The following SIPA1L2 variants were observed in gnomAD, a reference collection of about 807,000 sequenced individuals.
The protein encoded by SIPA1L2 is signal induced proliferation associated 1 like 2, also known as signal-induced proliferation-associated 1-like protein 2.
Under a neutral mutation model 163.9 loss-of-function variants are expected in SIPA1L2, and 56 were observed. The ratio of observed to expected loss-of-function variants is 0.34; its 90% CI spans 0.28 to 0.43. The LOEUF (loss-of-function observed/expected upper bound fraction) is 0.43. Among genes scored for constraint, SIPA1L2 ranks in the 20% least tolerant of loss-of-function variants. The pLI, the probability that SIPA1L2 is intolerant of heterozygous loss-of-function variation, is 1.00. For synonymous variants in SIPA1L2, 877 were observed against 865.7 expected (o/e 1.01, Z -0.23); for missense variants, 1,974 against 2,193.5 (o/e 0.90, Z 2.00).
intron 3 of SIPA1L2, among the ~76,000 whole-genome samples, chr1:232,512,901 C>T (rs1381145670): frequency 1.3e-5 from 2 of 152,178 alleles, no homozygotes; most frequent in Admixed American, 1.3e-4. Flanking sequence ...AGGAGAGTAG[C>T]GGGGCCCACC....
At position 232,492,888 on chromosome 1, in the gene SIPA1L2, G is replaced by A. The variant is rs143344254; in HGVS notation, c.1617+639C>T. Reference sequence around the variant, plus strand: ...TAATGCTGGAGTGAGTTAAGACTAGGGGACTGCTGAGAAGGAATAATTGTT... The same window carrying A: ...TAATGCTGGAGTGAGTTAAGACTAGAGGACTGCTGAGAAGGAATAATTGTT... On this transcript the variant is annotated intron_variant, in intron 4 of 22. Transcript: ENST00000674635. Among the ~76,000 whole-genome samples, 1,353 of 152,232 alleles carry A rather than the reference G, an allele frequency of 8.9e-3. 18 individuals are homozygous for A. The highest frequency in any genetic ancestry group is 0.03 in the African/African-American group (1,236 of 41,532).
At chr1:232,517,272 T>A (rs1180650926) in intron 2 of SIPA1L2, among the ~76,000 whole-genome samples, 2 of 152,210 alleles carry the variant, frequency 1.3e-5, no homozygotes, top group Non-Finnish European at 2.9e-5. Flanking sequence ...CTACCTTCCT[T>A]TCTTTTCCGT....
At chr1:232,498,066 G>A (rs943639445) in intron 3 of SIPA1L2, among the ~76,000 whole-genome samples, 2 of 151,952 alleles carry the variant, frequency 1.3e-5, no homozygotes, top group African/African-American at 4.8e-5. Flanking sequence ...ATTTCCACTG[G>A]AAATACTCCC....
chr1:232,497,747 C>G (rs1234869593), intron 3 of SIPA1L2, among the ~76,000 whole-genome samples: 1 of 152,194 alleles, frequency 6.6e-6, no homozygotes, highest in Admixed American at 6.5e-5. Context: ...GGCTCCTCCT[C>G]TGGCCTCTCC....
chr1:232,488,021 T>G (rs1376007235), intron 5 of SIPA1L2, among the ~76,000 whole-genome samples: 1 of 152,068 alleles, frequency 6.6e-6, no homozygotes, highest in Non-Finnish European at 1.5e-5. Flanking sequence ...TGGTGCGATC[T>G]TGGCTCACTG....
intron 2 of SIPA1L2, among the ~76,000 whole-genome samples, chr1:232,528,613 G>T (rs1196505602): frequency 6.6e-6 from 1 of 152,070 alleles, no homozygotes; most frequent in African/African-American, 2.4e-5. Flanking sequence ...AGTAGAATTG[G>T]ACAGGCCTAG....
chr1:232,401,391 T>A (rs905518701), intron 22 of SIPA1L2, among the ~76,000 whole-genome samples: 9 of 152,216 alleles, frequency 5.9e-5, no homozygotes, highest in Admixed American at 2.0e-4. Flanking sequence ...GCTTTAGCTT[T>A]TTTTGGGCAA....
chr1:232,471,655 G>T, intron 7 of SIPA1L2, 127 bp from the exon 8 acceptor site: 1 of 890,242 alleles, frequency 1.1e-6, no homozygotes, highest in Non-Finnish European at 1.6e-6. Flanking sequence ...GGAAGTCAGT[G>T]CTCCTAAATT....
At chr1:232,588,289 G>A (rs1660776990) in intron 1 of SIPA1L2, among the ~76,000 whole-genome samples, 1 of 152,150 alleles carries the variant, frequency 6.6e-6, no homozygotes, top group South Asian at 2.1e-4. Context: ...AAGGCTATCT[G>A]GCAGGCATTT....
intron 1 of SIPA1L2, among the ~76,000 whole-genome samples, chr1:232,594,699 T>G (rs1403148914): frequency 6.6e-6 from 1 of 152,152 alleles, no homozygotes; most frequent in Non-Finnish European, 1.5e-5. Context: ...CCACCAAAGT[T>G]TTTCCAGTTC....
chr1:232,551,562 G>A (rs900720871), intron 2 of SIPA1L2, among the ~76,000 whole-genome samples: 3 of 152,234 alleles, frequency 2.0e-5, no homozygotes, highest in Non-Finnish European at 4.4e-5. Context: ...AGAGCGGTGG[G>A]AATTTCCAGG....
chr1:232,517,287 T>C (rs1558239453), intron 2 of SIPA1L2, among the ~76,000 whole-genome samples: 4 of 152,202 alleles, frequency 2.6e-5, no homozygotes, highest in Admixed American at 6.5e-5. Flanking sequence ...TTCCGTGTCA[T>C]GGCATATATT....
At position 232,515,282 on chromosome 1, in the gene SIPA1L2, T is replaced by C. The variant is rs1205588324; in HGVS notation, c.58A>G (p.Lys20Glu). 6.8e-6 allele frequency: 11 copies of C among 1,613,432 alleles called. No individual in the cohort carries two copies. Among genetic ancestry groups the C allele is most frequent in the African/African-American group, 1.3e-5 (1 of 75,046 alleles). ...ATGATTCTAGGGGGATCCTTGAACT[T>C]TGAAGAGGCTCTGCCTAGCTTGTGC... ...EKHKLGRASSKFKDPPRIMQS... is the reference protein window; with the variant it reads ...EKHKLGRASSEFKDPPRIMQS... Residue 20 changes from lysine (K) to glutamate (E), a missense_variant, in exon 3 of 23, where the codon AAG (lysine) becomes GAG (glutamate). By Grantham distance (56) the Lys-to-Glu change is moderately conservative. Coordinates refer to ENST00000674635, the MANE Select transcript of SIPA1L2 (RefSeq NM_020808.5).
intron 2 of SIPA1L2, among the ~76,000 whole-genome samples, chr1:232,552,315 G>C (rs893822162): frequency 6.6e-6 from 1 of 152,104 alleles, no homozygotes; most frequent in Admixed American, 6.5e-5. Flanking sequence ...TTAGGTAAAA[G>C]GTTGAAATCA....
At chr1:232,624,362 T>C (rs6680892) in intron 1 of SIPA1L2, among the ~76,000 whole-genome samples, 7,385 of 152,268 alleles carry the variant, frequency 0.049, 297 homozygotes, top group South Asian at 0.15. Flanking sequence ...CCAAAGCTAT[T>C]CCTGAACAAT....
At chr1:232,415,748 T>C in intron 18 of SIPA1L2, 123 bp from the exon 19 acceptor site, 1 of 1,321,024 alleles carries the variant, frequency 7.6e-7, no homozygotes, top group Non-Finnish European at 1.1e-6. Flanking sequence ...CGGGCACCAC[T>C]GCCCCCTCCC....
chr1:232,550,339 C>A (rs1658303286), intron 2 of SIPA1L2, among the ~76,000 whole-genome samples: 1 of 152,130 alleles, frequency 6.6e-6, no homozygotes, highest in Non-Finnish European at 1.5e-5. Flanking sequence ...ATCCAGCCAC[C>A]CACCGCAAGT....
At chr1:232,523,918 T>C (rs776317166) in intron 2 of SIPA1L2, among the ~76,000 whole-genome samples, 1 of 152,178 alleles carries the variant, frequency 6.6e-6, no homozygotes, top group African/African-American at 2.4e-5. Context: ...ATAAAGGACA[T>C]GAAAAGAAAA....
chr1:232,549,107 G>C (rs1429945676), intron 2 of SIPA1L2, among the ~76,000 whole-genome samples: 3 of 152,184 alleles, frequency 2.0e-5, no homozygotes, highest in Non-Finnish European at 4.4e-5. Context: ...GAGCTTTCAT[G>C]CTGGGTCTGT....
Sources: allele counts gnomAD v4.1 joint callset (sites outside exome capture counted in the v4.1 genomes callset), GRCh38; gene constraint gnomAD v4.1.1; transcripts MANE v1.5; gene names NCBI Gene and HGNC (gene_info 2026-07-23, HGNC 2026-07-21).